The following ADAMTS12 variants were observed in gnomAD, a reference collection of about 807,000 sequenced individuals.
The protein encoded by ADAMTS12 is A disintegrin and metalloproteinase with thrombospondin motifs 12.
Under a neutral mutation model 167.8 loss-of-function variants are expected in ADAMTS12, and 118 were observed. The ratio of observed to expected loss-of-function variants is 0.70; its 90% confidence interval spans 0.61 to 0.82. ADAMTS12 has a LOEUF of 0.82. Ranked by LOEUF, ADAMTS12 falls within the 40% of genes least tolerant of loss-of-function variation. The probability of loss-of-function intolerance (pLI) is 0.00; values close to 1 mark genes in which losing one functional copy is unlikely to be tolerated. For synonymous variants in ADAMTS12, 704 were observed against 716.9 expected (o/e 0.98, Z 0.29); for missense variants, 1,916 against 1,998.8 (o/e 0.96, Z 0.79).
intron 12 of ADAMTS12, among the ~76,000 whole-genome samples, chr5:33,631,177 C>T (rs1242753732): frequency 6.6e-6 from 1 of 152,198 alleles, no homozygotes; most frequent in Admixed American, 6.5e-5. Context: ...CTATGCTTTG[C>T]TGTAAACAAT....
chr5:33,623,067 T>C (rs114255487), intron 14 of ADAMTS12, among the ~76,000 whole-genome samples: 106 of 152,290 alleles, frequency 7.0e-4, no homozygotes, highest in African/African-American at 2.5e-3. Context: ...ATAGGTCATG[T>C]AATTAACTGA....
intron 16 of ADAMTS12, among the ~76,000 whole-genome samples, chr5:33,599,350 T>C (rs1402212535): frequency 6.6e-6 from 1 of 152,234 alleles, no homozygotes; most frequent in Non-Finnish European, 1.5e-5. Context: ...CTTGCTATAG[T>C]CCAACCATGA....
chr5:33,638,751 C>A (rs1205058413), intron 11 of ADAMTS12, among the ~76,000 whole-genome samples: 1 of 152,156 alleles, frequency 6.6e-6, no homozygotes, highest in Non-Finnish European at 1.5e-5. Context: ...GTACTTTGGG[C>A]ATAGGAGGCT....
chr5:33,679,922 C>G (rs1742047574), intron 5 of ADAMTS12, among the ~76,000 whole-genome samples: 1 of 152,206 alleles, frequency 6.6e-6, no homozygotes, highest in Non-Finnish European at 1.5e-5. Context: ...CACTGAACCT[C>G]ACACTCTGCT....
chr5:33,731,819 T>C (rs1744204869), intron 3 of ADAMTS12, among the ~76,000 whole-genome samples: 1 of 152,204 alleles, frequency 6.6e-6, no homozygotes, highest in Admixed American at 6.5e-5. Flanking sequence ...CTTATTAGAC[T>C]GCATGTGTTA....
At chr5:33,717,557 C>T (rs1273250294) in intron 3 of ADAMTS12, among the ~76,000 whole-genome samples, 1 of 152,136 alleles carries the variant, frequency 6.6e-6, no homozygotes, top group African/African-American at 2.4e-5. Flanking sequence ...CTGAAACAGC[C>T]GATTTGGCTC....
intron 13 of ADAMTS12, among the ~76,000 whole-genome samples, chr5:33,629,729 T>C (rs1008726044): frequency 2.6e-5 from 4 of 152,228 alleles, no homozygotes; most frequent in African/African-American, 9.6e-5. Context: ...AAATAATAAT[T>C]ATTTAAAAAC....
intron 2 of ADAMTS12, among the ~76,000 whole-genome samples, chr5:33,836,321 C>A (rs1340172519): frequency 1.3e-5 from 2 of 152,148 alleles, no homozygotes; most frequent in African/African-American, 4.8e-5. Context: ...GAAGGCTCAT[C>A]AGGCTGGACG....
At chr5:33,823,353 G>T (rs1426266740) in intron 2 of ADAMTS12, among the ~76,000 whole-genome samples, 1 of 152,174 alleles carries the variant, frequency 6.6e-6, no homozygotes, top group Non-Finnish European at 1.5e-5. Context: ...CTTTCACAAC[G>T]AATTATGCCT....
At chr5:33,627,757 G>A (rs968238071) in intron 13 of ADAMTS12, among the ~76,000 whole-genome samples, 3 of 152,126 alleles carry the variant, frequency 2.0e-5, no homozygotes, top group East Asian at 1.9e-4. Flanking sequence ...TATTCTGAAC[G>A]TAGATCTAGC....
In ADAMTS12 at chr5:33,801,874, A is replaced by T. The variant is rs1436329651; in HGVS notation, c.490-50326T>A. On this transcript the variant is annotated intron_variant, in intron 2 of 23. Transcript: ENST00000504830. ...CCAAATCATTGACTTATTAAAGTGG[A>T]GCTTTCAGTGGAAGATTGCTATGGT... Among the ~76,000 whole-genome samples the T allele has an allele frequency of 2.6e-5, 4 of 152,186 alleles. No individual in the cohort carries two copies. In the East Asian group the frequency reaches 7.7e-4, roughly 29 times the overall value.
intron 2 of ADAMTS12, among the ~76,000 whole-genome samples, chr5:33,797,740 G>A (rs1746836783): frequency 6.6e-6 from 1 of 152,084 alleles, no homozygotes; most frequent in South Asian, 2.1e-4. Context: ...AAATACTGAT[G>A]TGTTTTCTTC....
rs994764191 is a variant in ADAMTS12 at position 33,843,407 on chromosome 5, T to C, written c.489+37712A>G. Among the ~76,000 whole-genome samples the C allele has an allele frequency of 5.3e-5, 8 of 151,042 alleles. No individual in the cohort carries two copies. In the East Asian group the frequency reaches 1.6e-3, roughly 29 times the overall value. On this transcript the variant is annotated intron_variant, in intron 2 of 23. Transcript: ENST00000504830. The stretch of plus-strand genomic sequence containing the variant: ...CATGGAGGTCAGAGCCCAAGCAGGG[T>C]GAGGAGGGCATCCATATCAGGCAAG...
intron 9 of ADAMTS12, among the ~76,000 whole-genome samples, chr5:33,644,198 T>C (rs1740578830): frequency 6.6e-6 from 1 of 152,232 alleles, no homozygotes; most frequent in Non-Finnish European, 1.5e-5. Context: ...TCAATCTTTC[T>C]CTCTCTAAAT....
intron 2 of ADAMTS12, among the ~76,000 whole-genome samples, chr5:33,761,746 C>T (rs553486224): frequency 1.3e-5 from 2 of 152,294 alleles, no homozygotes; most frequent in East Asian, 3.9e-4. Flanking sequence ...TCCCCCACTA[C>T]CCTATAAGGA....
At chr5:33,848,958 CTATA>C (rs1261015791) in intron 2 of ADAMTS12, among the ~76,000 whole-genome samples, 29 of 124,168 alleles carry the variant, frequency 2.3e-4, no homozygotes, top group Non-Finnish European at 4.5e-4. Flanking sequence ...GAAGAGACAT[CTATA>C]TATATGTATT....
chr5:33,851,685 T>C (rs113791192), intron 2 of ADAMTS12, among the ~76,000 whole-genome samples: 3 of 152,236 alleles, frequency 2.0e-5, no homozygotes, highest in Admixed American at 6.5e-5. Flanking sequence ...ATATCCAACC[T>C]CCAAGATCAG....
At chr5:33,777,746 C>G (rs1195377126) in intron 2 of ADAMTS12, among the ~76,000 whole-genome samples, 2 of 151,880 alleles carry the variant, frequency 1.3e-5, no homozygotes, top group African/African-American at 4.8e-5. Flanking sequence ...TTTCTGTTTG[C>G]AGATGACATG....
chr5:33,850,519 G>T (rs1332603928), intron 2 of ADAMTS12, among the ~76,000 whole-genome samples: 1 of 152,166 alleles, frequency 6.6e-6, no homozygotes, highest in Admixed American at 6.5e-5. Context: ...TACCTGGAAA[G>T]CCCAACAGGC....
Sources: allele counts gnomAD v4.1 joint callset (sites outside exome capture counted in the v4.1 genomes callset), GRCh38; gene constraint gnomAD v4.1.1; transcripts MANE v1.5; gene names NCBI Gene and HGNC (gene_info 2026-07-23, HGNC 2026-07-21).